Variants in CNTN4 observed in about 807,000 individuals in gnomAD.
CNTN4 encodes the protein contactin 4, also known as contactin-4.
Under a neutral mutation model 122.5 loss-of-function variants are expected in CNTN4, and 77 were observed. That is an observed-to-expected ratio of 0.63 (90% CI 0.52 to 0.76). CNTN4 has a LOEUF of 0.76. CNTN4 is among the 30% of genes least tolerant of loss of function. The pLI, the probability that CNTN4 is intolerant of heterozygous loss-of-function variation, is 0.00. For synonymous variants in CNTN4, 512 were observed against 447.0 expected, an observed-to-expected ratio of 1.15 and a Z score of -1.83; for missense variants, 1,256 against 1,259.1, an observed-to-expected ratio of 1.00 and a Z score of 0.04.
chr3:2,674,174 G>T (rs747155556), intron 4 of CNTN4, among the ~76,000 whole-genome samples: 1 of 152,140 alleles, frequency 6.6e-6, no homozygotes, highest in Non-Finnish European at 1.5e-5. Context: ...AGTACTTACC[G>T]CATACAATCC....
intron 2 of CNTN4, among the ~76,000 whole-genome samples, chr3:2,288,917 A>G (rs1383670771): frequency 6.6e-6 from 1 of 152,166 alleles, no homozygotes; most frequent in Non-Finnish European, 1.5e-5. Flanking sequence ...ATTCCAAGGA[A>G]TAGAGTTAAA....
intron 10 of CNTN4, among the ~76,000 whole-genome samples, chr3:2,888,240 T>C (rs1385002835): frequency 2.6e-5 from 4 of 152,096 alleles, no homozygotes; most frequent in Non-Finnish European, 5.9e-5. Flanking sequence ...CAGAGTAACA[T>C]TGAAAAATGA....
intron 13 of CNTN4, among the ~76,000 whole-genome samples, chr3:2,942,833 A>G (rs189889435): frequency 5.3e-5 from 8 of 152,280 alleles, no homozygotes; most frequent in Admixed American, 1.3e-4. Flanking sequence ...GTGGTTCCCA[A>G]ATTTATCTGG....
chr3:3,026,900 C>G (rs1698768944), intron 15 of CNTN4, among the ~76,000 whole-genome samples: 1 of 152,120 alleles, frequency 6.6e-6, no homozygotes, highest in Non-Finnish European at 1.5e-5. Flanking sequence ...CAATTCCTAT[C>G]AATCACAATC....
chr3:2,640,884 A>T (rs753475417), intron 4 of CNTN4, among the ~76,000 whole-genome samples: 2 of 152,198 alleles, frequency 1.3e-5, no homozygotes, highest in Non-Finnish European at 2.9e-5. Flanking sequence ...TAAATGTGTC[A>T]CATTTGTCAG....
At chr3:2,750,476 G>T (rs1283782393) in intron 6 of CNTN4, among the ~76,000 whole-genome samples, 1 of 152,100 alleles carries the variant, frequency 6.6e-6, no homozygotes, top group East Asian at 1.9e-4. Flanking sequence ...AGACCACTAA[G>T]AACTTGCTCT....
intron 9 of CNTN4, 34 bp from the exon 10 acceptor site, chr3:2,887,006 A>G (rs369415690): frequency 4.2e-5 from 67 of 1,590,512 alleles, no homozygotes; most frequent in Admixed American, 3.4e-4. Context: ...AGTTTTCTCT[A>G]GTTTGATTCA....
At chr3:2,770,324 G>A (rs1406732157) in intron 6 of CNTN4, among the ~76,000 whole-genome samples, 7 of 152,232 alleles carry the variant, frequency 4.6e-5, no homozygotes, top group East Asian at 3.9e-4. Flanking sequence ...CACCGTTTCC[G>A]GCCCTCTTCC....
At chr3:2,181,184 A>G (rs1312972517) in intron 2 of CNTN4, among the ~76,000 whole-genome samples, 1 of 152,116 alleles carries the variant, frequency 6.6e-6, no homozygotes, top group Non-Finnish European at 1.5e-5. Context: ...TGAAAAAAAT[A>G]TATTAGGTGC....
At position 2,900,600 on chromosome 3, in the gene CNTN4, A is replaced by G. The variant is rs2094162769; in HGVS notation, c.941-85A>G. ...GGAAAAGGAATTTTATTATAAGTGT[A>G]CTTTTGCCCTTTGATTGAATATGAT... On this transcript the variant is annotated intron_variant, in intron 10 of 24. Coordinates refer to ENST00000418658, the MANE Select transcript of CNTN4 (RefSeq NM_175607.3). 3 of 1,417,018 alleles carry G rather than the reference A, an allele frequency of 2.1e-6. 1 individual carries two copies. The highest frequency in any genetic ancestry group is 2.3e-5 in the South Asian group (2 of 85,984). 87.8% of individuals were successfully genotyped at this position (1,417,018 alleles called of 1,614,324 possible).
chr3:2,508,846 C>G (rs903068051), intron 3 of CNTN4, among the ~76,000 whole-genome samples: 7 of 151,944 alleles, frequency 4.6e-5, no homozygotes, highest in Non-Finnish European at 7.4e-5. Context: ...GTTGGCTATG[C>G]CCTTTAATGA....
chr3:2,178,930 A>G (rs1293196959), intron 2 of CNTN4, among the ~76,000 whole-genome samples: 1 of 152,088 alleles, frequency 6.6e-6, no homozygotes, highest in Non-Finnish European at 1.5e-5. Flanking sequence ...AATAGCAGAC[A>G]CAGAGCATCC....
At chr3:2,199,164 G>A (rs1290848757) in intron 2 of CNTN4, among the ~76,000 whole-genome samples, 1 of 152,172 alleles carries the variant, frequency 6.6e-6, no homozygotes, top group Non-Finnish European at 1.5e-5. Flanking sequence ...AGTGTTGATA[G>A]CCTGCAGTTT....
intron 5 of CNTN4, among the ~76,000 whole-genome samples, chr3:2,745,229 G>A (rs981154284): frequency 1.3e-5 from 2 of 152,126 alleles, no homozygotes. Flanking sequence ...AGAAATCTGT[G>A]GCCCGCCTTC....
chr3:2,301,229 A>G (rs529149856), intron 2 of CNTN4, among the ~76,000 whole-genome samples: 4 of 152,324 alleles, frequency 2.6e-5, no homozygotes, highest in Non-Finnish European at 4.4e-5. Flanking sequence ...AGCACACGCT[A>G]ATTACTTCTG....
intron 4 of CNTN4, among the ~76,000 whole-genome samples, chr3:2,582,264 T>G (rs1489417760): frequency 6.6e-6 from 1 of 152,224 alleles, no homozygotes; most frequent in African/African-American, 2.4e-5. Flanking sequence ...CCAAATTCCC[T>G]GATACATGAT....
chr3:2,990,245 C>T (rs1694937464), intron 14 of CNTN4, among the ~76,000 whole-genome samples: 1 of 152,102 alleles, frequency 6.6e-6, no homozygotes, highest in Admixed American at 6.6e-5. Context: ...GTGTCTGGCA[C>T]CTAAGAAATA....
At chr3:2,787,157 A>T (rs780821131) in intron 6 of CNTN4, among the ~76,000 whole-genome samples, 15 of 152,152 alleles carry the variant, frequency 9.9e-5, no homozygotes, top group Non-Finnish European at 1.8e-4. Context: ...CGGGTGGATC[A>T]CCTGAGGTCA....
chr3:2,982,078 G>T (rs1439463441), intron 13 of CNTN4, among the ~76,000 whole-genome samples: 1 of 152,070 alleles, frequency 6.6e-6, no homozygotes, highest in Non-Finnish European at 1.5e-5. Context: ...AAAAGCAACA[G>T]GTCAAATTGT....
Sources: gnomAD v4.1 joint callset for allele counts (sites outside exome capture counted in the v4.1 genomes callset) on GRCh38, gnomAD v4.1.1 for gene constraint, MANE v1.5 for transcripts, NCBI Gene and HGNC (gene_info 2026-07-23, HGNC 2026-07-21) for gene names.